Variants in ARHGEF1 observed in about 807,000 individuals in gnomAD.
ARHGEF1 encodes 115 kDa guanine nucleotide exchange factor.
Under a neutral mutation model 119.7 loss-of-function variants are expected in ARHGEF1, and 40 were observed. That is an observed-to-expected ratio of 0.33 (90% CI 0.26 to 0.44). The LOEUF (loss-of-function observed/expected upper bound fraction) is 0.44. Among genes scored for constraint, ARHGEF1 ranks in the 20% least tolerant of loss-of-function variants. The probability of loss-of-function intolerance (pLI) is 1.00; values close to 1 mark genes in which losing one functional copy is unlikely to be tolerated. For missense variants in ARHGEF1, 976 were observed against 1,268.3 expected (o/e 0.77, Z 3.50); for synonymous variants, 494 against 521.0 (o/e 0.95, Z 0.71).
At chr19:41,923,469 C>A (rs2074853088) in intron 1 of ARHGEF1, among the ~76,000 whole-genome samples, 1 of 150,282 alleles carries the variant, frequency 6.7e-6, no homozygotes, top group East Asian at 2.0e-4. Context: ...CAGACAGAGA[C>A]AAAAAGACAG....
chr19:41,920,075 T>A (rs76202082), upstream of ARHGEF1, among the ~76,000 whole-genome samples: 3,044 of 99,780 alleles, frequency 0.031, 147 homozygotes, highest in African/African-American at 0.11. Context: ...TGTGACACAC[T>A]CACAGACATG....
At chr19:41,884,435 C>G in intron 1 of ARHGEF1, 1 of 1,603,540 alleles carries the variant, frequency 6.2e-7, no homozygotes, top group African/African-American at 1.3e-5. Flanking sequence ...AGTGCGGAGC[C>G]CGAGCGCGGA....
chr19:41,905,464 A>G lies in ARHGEF1; in HGVS notation c.2336+203A>G, dbSNP rs2074675975. 2 of 617,364 alleles carry G rather than the reference A, an allele frequency of 3.2e-6. No individual in the cohort carries two copies. The highest frequency in any genetic ancestry group is 5.7e-6 in the Non-Finnish European group (2 of 352,138). The allele number at this position is 617,364 out of a possible 1,614,324, so 38.2% of individuals were successfully genotyped here. On this transcript the variant is annotated intron_variant, in intron 24 of 28. Transcript: ENST00000354532. The surrounding 1 kb of genome is among the most constrained non-coding windows in gnomAD (Gnocchi z 6.4). Reference sequence around the variant, plus strand: ...TGTATGCATGCATGTGTGCGTGTGCATGTGTGTGCGTGTATGGTGTGTGTG... The same window carrying G: ...TGTATGCATGCATGTGTGCGTGTGCGTGTGTGTGCGTGTATGGTGTGTGTG...
intron 7 of ARHGEF1, 162 bp from the exon 8 acceptor site, chr19:41,893,108 ACCTC>A: frequency 1.0e-6 from 1 of 988,132 alleles, no homozygotes; most frequent in Non-Finnish European, 1.5e-6. Flanking sequence ...TGGATGAGAG[ACCTC>A]CCTCCCTCTT....
intron 4 of ARHGEF1, chr19:41,890,692 C>T (rs1375255017): frequency 6.6e-6 from 1 of 151,066 alleles, no homozygotes; most frequent in Non-Finnish European, 1.5e-5. Flanking sequence ...AGGCAGGAGA[C>T]TCACTTGAAC....
At position 41,884,477 on chromosome 19, in the gene ARHGEF1, C is replaced by T. The variant is rs1555844905; in HGVS notation, c.-20+1188C>T. ...GGTTCCGGTGGCGGCGATGGCTTCT[C>T]TTTCCACCTGGAGCAGGTGAGGGAC... On this transcript the variant is annotated intron_variant, in intron 1 of 28. Coordinates refer to ENST00000354532, the MANE Select transcript of ARHGEF1 (RefSeq NM_004706.4). 19 of 1,607,716 alleles carry T rather than the reference C, an allele frequency of 1.2e-5. No homozygotes were observed. The highest frequency in any genetic ancestry group is 1.7e-4 in the Middle Eastern group (1 of 6,054).
chr19:41,887,138 G>A (rs2074305672), intron 1 of ARHGEF1, among the ~76,000 whole-genome samples: 1 of 152,170 alleles, frequency 6.6e-6, no homozygotes, highest in Non-Finnish European at 1.5e-5. Flanking sequence ...CAGAGACAGG[G>A]ACAGGACAGA....
chr19:41,887,927 G>C, intron 1 of ARHGEF1, 137 bp from the exon 2 acceptor site: 1 of 992,386 alleles, frequency 1.0e-6, no homozygotes, highest in Non-Finnish European at 1.4e-6. Context: ...TGGCCACACA[G>C]AGGCCCCATT....
intron 1 of ARHGEF1, among the ~76,000 whole-genome samples, chr19:41,886,467 G>A (rs1162058047): frequency 6.6e-6 from 1 of 151,928 alleles, no homozygotes; most frequent in Non-Finnish European, 1.5e-5. Flanking sequence ...TTCATAGTGA[G>A]ACAGGGTCTC....
chr19:41,918,926 C>A (rs2074820816), upstream of ARHGEF1, among the ~76,000 whole-genome samples: 3 of 150,864 alleles, frequency 2.0e-5, no homozygotes, highest in Non-Finnish European at 1.5e-5. Context: ...CACACACATG[C>A]ACACCACATA....
upstream of ARHGEF1, among the ~76,000 whole-genome samples, chr19:41,919,099 C>G (rs1030713397): frequency 6.6e-6 from 1 of 151,722 alleles, no homozygotes; most frequent in African/African-American, 2.4e-5. Context: ...CCACATGCCA[C>G]ACATAACACA....
intron 18 of ARHGEF1, among the ~76,000 whole-genome samples, chr19:41,915,788 T>C (rs1364046939): frequency 6.6e-6 from 1 of 152,160 alleles, no homozygotes; most frequent in Admixed American, 6.5e-5. Flanking sequence ...CCTGGCCCCA[T>C]TGATCGCTGA....
At position 41,902,666 on chromosome 19, in the gene ARHGEF1, G is replaced by A. The variant is rs1555849289; in HGVS notation, c.1623+8G>A. The A allele has an allele frequency of 1.2e-6, 2 of 1,614,066 alleles. No individual in the cohort carries two copies. Among genetic ancestry groups the A allele is most frequent in the African/African-American group, 1.3e-5 (1 of 74,936 alleles). ...TTCTGTGCCTTCGTGCAGGTGAGGT[G>A]GGGTCTGGACTCCAGCTTCCCAGGG... is the stretch of plus-strand genomic sequence containing the variant. On this transcript the variant is annotated splice_region_variant and intron_variant, in intron 17 of 28. Coordinates refer to ENST00000354532, the MANE Select transcript of ARHGEF1 (RefSeq NM_004706.4). The surrounding 1 kb of genome is among the most constrained non-coding windows in gnomAD (Gnocchi z 6.5).
chr19:41,886,658 A>G (rs1170028210), intron 1 of ARHGEF1, among the ~76,000 whole-genome samples: 3 of 152,254 alleles, frequency 2.0e-5, no homozygotes, highest in Admixed American at 6.5e-5. Flanking sequence ...TGGACAATAC[A>G]CTTTGTGGGA....
chr19:41,897,900 C>G, intron 13 of ARHGEF1: 1 of 1,285,626 alleles, frequency 7.8e-7, no homozygotes. Context: ...CTCCTTGTCT[C>G]TGTCCCCGGC....
chr19:41,906,947 GTC>G lies in ARHGEF1; in HGVS notation c.*17+148_*17+149del, dbSNP rs2074709929. Reference sequence around the variant, plus strand: ...TCCACCTCGTGTTTCTCATCTCTGTGTCTCTGTTTCTGATAATCTGTTTCTCT... The same window carrying G: ...TCCACCTCGTGTTTCTCATCTCTGTGTCTGTTTCTGATAATCTGTTTCTCT... On this transcript the variant is annotated intron_variant, in intron 28 of 28. Transcript: ENST00000354532. This position sits in a 1 kb window ranked among gnomAD's most constrained non-coding sequence, Gnocchi z 4.5. 5.2e-6 allele frequency: 5 copies of G among 953,956 alleles called. No individual in the cohort carries two copies. Among genetic ancestry groups the G allele is most frequent in the Non-Finnish European group, 7.6e-6 (5 of 659,522 alleles). 59.1% of individuals were successfully genotyped at this position (953,956 alleles called of 1,614,324 possible).
At chr19:41,887,039 T>C (rs2074304060) in intron 1 of ARHGEF1, among the ~76,000 whole-genome samples, 1 of 151,526 alleles carries the variant, frequency 6.6e-6, no homozygotes, top group Admixed American at 6.6e-5. Flanking sequence ...GAAAAAGGGA[T>C]GGAGAGATGA....
chr19:41,922,591 G>A (rs959758037), upstream of ARHGEF1, among the ~76,000 whole-genome samples: 9 of 152,274 alleles, frequency 5.9e-5, no homozygotes, highest in South Asian at 2.1e-4. Context: ...ACTGGGAACC[G>A]GAGAGAGACT....
intron 12 of ARHGEF1, 100 bp from the exon 13 acceptor site, chr19:41,896,277 G>T (rs189510461): frequency 2.6e-5 from 14 of 542,242 alleles, no homozygotes; most frequent in Non-Finnish European, 4.5e-5. Flanking sequence ...GTGTCTGCCA[G>T]GCACTGGGTA....
Sources: gnomAD v4.1 joint callset for allele counts (sites outside exome capture counted in the v4.1 genomes callset) on GRCh38, gnomAD v4.1.1 for gene constraint, Gnocchi (gnomAD v3.1) non-coding constraint, MANE v1.5 for transcripts, NCBI Gene and HGNC (gene_info 2026-07-23, HGNC 2026-07-21) for gene names.